Variants in RBPJ observed in about 807,000 individuals in gnomAD.
The protein encoded by RBPJ is recombining binding protein suppressor of hairless.
RBPJ carries 9 observed loss-of-function variants against 67.8 expected under a neutral mutation model. The observed-to-expected ratio is 0.13, with a 90% CI of 0.08 to 0.23. The LOEUF (loss-of-function observed/expected upper bound fraction) is 0.23. RBPJ is among the 10% of genes least tolerant of loss of function. RBPJ has a pLI of 1.00. For missense variants in RBPJ, 305 were observed against 595.6 expected (o/e 0.51, Z 5.08); for synonymous variants, 198 against 203.3 (o/e 0.97, Z 0.22).
chr4:26,227,538 T>A (rs2109199635), intron 1 of RBPJ, among the ~76,000 whole-genome samples: 1 of 152,032 alleles, frequency 6.6e-6, no homozygotes, highest in Admixed American at 6.6e-5. Flanking sequence ...TATGAAGATC[T>A]AAGTGAGGTT....
At chr4:26,134,486 T>C in the RBPJ span, among the ~76,000 whole-genome samples, 1 of 152,204 alleles carries the variant, frequency 6.6e-6, no homozygotes, top group African/African-American at 2.4e-5. Flanking sequence ...GAGGACTGTC[T>C]CATGGAGAAA....
intron 2 of RBPJ, among the ~76,000 whole-genome samples, chr4:26,388,382 A>C (rs1162951175): frequency 6.6e-6 from 1 of 152,206 alleles, no homozygotes; most frequent in African/African-American, 2.4e-5. Flanking sequence ...CAGATGGTAC[A>C]TATTTTAGGT....
At chr4:26,429,467 C>T (rs542091949) in intron 8 of RBPJ, among the ~76,000 whole-genome samples, 1 of 152,266 alleles carries the variant, frequency 6.6e-6, no homozygotes, top group East Asian at 1.9e-4. Context: ...TTTGCCTTCC[C>T]ATCTTGATTC....
upstream of RBPJ, among the ~76,000 whole-genome samples, chr4:26,316,494 T>TAC (rs1362199841): frequency 1.9e-4 from 14 of 74,896 alleles, no homozygotes; most frequent in Non-Finnish European, 3.4e-4. Flanking sequence ...TATTCATATA[T>TAC]ATATTCATAT....
intron 1 of RBPJ, among the ~76,000 whole-genome samples, chr4:26,233,105 T>C (rs539354066): frequency 2.6e-5 from 4 of 152,358 alleles, no homozygotes; most frequent in African/African-American, 9.6e-5. Flanking sequence ...ACCTCTTTTT[T>C]CTATAGCTGA....
At chr4:26,360,909 CTCAT>C (rs1204423215) in intron 1 of RBPJ, among the ~76,000 whole-genome samples, 2 of 151,022 alleles carry the variant, frequency 1.3e-5, no homozygotes, top group East Asian at 3.9e-4. Flanking sequence ...CGCTCCCGGC[CTCAT>C]AGGGTTTTTA....
At chr4:26,202,860 G>A (rs1718027606) in intron 1 of RBPJ, among the ~76,000 whole-genome samples, 1 of 150,320 alleles carries the variant, frequency 6.7e-6, no homozygotes, top group Non-Finnish European at 1.5e-5. Context: ...AGTGAGCTGA[G>A]ATCACACCAC....
chr4:26,139,898 T>C, the RBPJ span, among the ~76,000 whole-genome samples: 2 of 152,196 alleles, frequency 1.3e-5, no homozygotes, highest in Non-Finnish European at 2.9e-5. Flanking sequence ...AAGATGCTCC[T>C]GTGTCCCACA....
the RBPJ span, among the ~76,000 whole-genome samples, chr4:26,124,154 C>T: frequency 5.3e-5 from 8 of 151,612 alleles, no homozygotes; most frequent in African/African-American, 1.9e-4. Flanking sequence ...ACCCATCAGC[C>T]GAGCAGTATA....
chr4:26,255,626 C>T (rs943773907), intron 1 of RBPJ, among the ~76,000 whole-genome samples: 4 of 149,516 alleles, frequency 2.7e-5, no homozygotes, highest in Non-Finnish European at 4.5e-5. Context: ...CACGGTGAAA[C>T]CCCGTCTCTA....
upstream of RBPJ, among the ~76,000 whole-genome samples, chr4:26,318,245 C>T (rs1247763031): frequency 2.0e-5 from 3 of 151,998 alleles, no homozygotes; most frequent in African/African-American, 4.8e-5. Flanking sequence ...TCTACATTTG[C>T]GGGGCTGTGA....
chr4:26,141,328 G>A, the RBPJ span, among the ~76,000 whole-genome samples: 1 of 152,208 alleles, frequency 6.6e-6, no homozygotes, highest in Non-Finnish European at 1.5e-5. Flanking sequence ...TGTAACGGCA[G>A]GCCAGGGACG....
At chr4:26,315,167 A>AAAAAATATATATATATAT (rs1325689348), upstream of RBPJ, among the ~76,000 whole-genome samples, 4 of 74,762 alleles carry the variant, frequency 5.4e-5, no homozygotes, top group African/African-American at 2.0e-4. Context: ...AAAAAAAAAA[A>AAAAAATATATATATATAT]ATATATATAT....
chr4:26,153,273 A>T, the RBPJ span, among the ~76,000 whole-genome samples: 1 of 152,254 alleles, frequency 6.6e-6, no homozygotes, highest in African/African-American at 2.4e-5. Context: ...ATTTATTCAC[A>T]CATAAGTGTG....
In RBPJ at chr4:26,424,247, G is replaced by T; in HGVS notation, c.497-95G>T. The T allele has an allele frequency of 8.6e-7, 1 of 1,168,522 alleles. No homozygotes were observed. The highest frequency in any genetic ancestry group is 1.2e-6 in the Non-Finnish European group (1 of 809,818). 72.4% of individuals were successfully genotyped at this position (1,168,522 alleles called of 1,614,324 possible). A position where few individuals can be genotyped will look rare whatever the true frequency, so the allele number is the denominator to read the frequency against. On this transcript the variant is annotated intron_variant, in intron 5 of 10. Coordinates refer to ENST00000355476, the MANE Select transcript of RBPJ (RefSeq NM_015874.6). The surrounding 1 kb of genome is among the most constrained non-coding windows in gnomAD (Gnocchi z 5.3). The stretch of plus-strand genomic sequence containing the variant: ...TGTCAAACTGTTAAATGATAAGAAA[G>T]AATAATTATACACTGCCAAGCAGAA...
At position 26,174,473 on chromosome 4, in the gene RBPJ, C is replaced by CTTAT. The variant is rs1560197371; in HGVS notation, c.-167+10870_-167+10873dup. ...ACACAGATGAGCATTTTTATTTTTA[C>CTTAT]TTATTTATTTATTTGAGATGGAGTC... On this transcript the variant is annotated intron_variant, in intron 1 of 4. Coordinates refer to the RBPJ transcript ENST00000512351. 3.9e-5 allele frequency among the ~76,000 whole-genome samples: 6 copies of CTTAT among 152,108 alleles called. No homozygotes were observed. In the South Asian group the frequency reaches 1.2e-3, roughly 32 times the overall value.
At position 26,336,363 on chromosome 4, in the gene RBPJ, C is replaced by T. The variant is rs1446197210; in HGVS notation, c.20+15315C>T. ...GATCTAGGTACTGTGGCTTGTAATC[C>T]CAGCCATCCCAGAGGCTGAGGTGGA... On this transcript the variant is annotated intron_variant, in intron 1 of 10. Transcript: ENST00000355476. Among the ~76,000 whole-genome samples the T allele has an allele frequency of 2.6e-5, 4 of 152,062 alleles. No individual in the cohort carries two copies. In the East Asian group the frequency reaches 7.7e-4, roughly 29 times the overall value.
chr4:26,249,693 T>G (rs959197531), intron 1 of RBPJ, among the ~76,000 whole-genome samples: 1 of 151,836 alleles, frequency 6.6e-6, no homozygotes, highest in African/African-American at 2.4e-5. Context: ...AAAACCACAA[T>G]TACTTTTGCT....
Position 26,430,706 on chromosome 4 carries a change from T to C in RBPJ, c.1163T>C (p.Met388Thr), listed in dbSNP as rs202103137. 8.7e-6 allele frequency: 14 copies of C among 1,614,156 alleles called. No homozygotes were observed. Among genetic ancestry groups the C allele is most frequent in the Non-Finnish European group, 1.1e-5 (13 of 1,180,006 alleles). Reference sequence around the variant, plus strand: ...TTCCTCCTCAGGTGTGGAGAGAGTATGCTCTGTGTCGTCCCAGACATTTCT... The same window carrying C: ...TTCCTCCTCAGGTGTGGAGAGAGTACGCTCTGTGTCGTCCCAGACATTTCT... The part of the protein sequence containing the change: ...AETMYRCGES[M>T]LCVVPDISAF... The change falls in exon 11 of 11, where the codon ATG (methionine) becomes ACG (threonine). Residue 388 changes from methionine (M) to threonine (T), a missense_variant. Transcript: ENST00000355476. This position sits in a 1 kb window ranked among gnomAD's most constrained non-coding sequence, Gnocchi z 4.1.
Sources: allele counts gnomAD v4.1 joint callset (sites outside exome capture counted in the v4.1 genomes callset), GRCh38; gene constraint gnomAD v4.1.1; non-coding constraint Gnocchi (gnomAD v3.1); transcripts MANE v1.5; gene names NCBI Gene and HGNC (gene_info 2026-07-23, HGNC 2026-07-21).